TOPBP1: variants seen among roughly 807,000 people sequenced by gnomAD.
TOPBP1 encodes the protein DNA topoisomerase 2-binding protein 1.
TOPBP1 carries 28 observed loss-of-function variants against 167.7 expected under a neutral mutation model. That is an observed-to-expected ratio of 0.17 (90% CI 0.12 to 0.23). The LOEUF (loss-of-function observed/expected upper bound fraction) is 0.23. TOPBP1 is among the 10% of genes least tolerant of loss of function. TOPBP1 has a pLI of 1.00. For synonymous variants in TOPBP1, 598 were observed against 611.4 expected (o/e 0.98, Z 0.32); for missense variants, 1,554 against 1,809.6 (o/e 0.86, Z 2.56).
At chr3:133,641,538 A>T (rs1008756629) in intron 12 of TOPBP1, among the ~76,000 whole-genome samples, 3 of 151,962 alleles carry the variant, frequency 2.0e-5, no homozygotes, top group Non-Finnish European at 4.4e-5. Flanking sequence ...GCTCATTTTT[A>T]AAATTTTTTG....
intron 25 of TOPBP1, among the ~76,000 whole-genome samples, chr3:133,609,367 C>T (rs1055054252): frequency 2.0e-5 from 3 of 152,032 alleles, no homozygotes; most frequent in African/African-American, 4.8e-5. Flanking sequence ...GGAATAACAA[C>T]TAACAAAAGC....
At chr3:133,658,017 T>G (rs1936540459) in intron 3 of TOPBP1, 76 bp from the exon 4 acceptor site, 10 of 1,238,040 alleles carry the variant, frequency 8.1e-6, no homozygotes, top group Non-Finnish European at 1.1e-5. Flanking sequence ...TTTTGTAACA[T>G]TCACCAATTC....
intron 6 of TOPBP1, among the ~76,000 whole-genome samples, chr3:133,654,847 A>G (rs1936422849): frequency 1.3e-5 from 2 of 152,102 alleles, no homozygotes; most frequent in South Asian, 4.1e-4. Flanking sequence ...AAGATGTTAG[A>G]GAAAACAGTA....
intron 6 of TOPBP1, 99 bp downstream of exon 6, chr3:133,655,191 C>A (rs982217391): frequency 8.9e-6 from 7 of 782,304 alleles, no homozygotes; most frequent in Non-Finnish European, 1.1e-5. Context: ...GGCAATAGAG[C>A]AAGACTCTGT....
At chr3:133,614,099 G>A (rs1303431181) in intron 23 of TOPBP1, among the ~76,000 whole-genome samples, 1 of 151,954 alleles carries the variant, frequency 6.6e-6, no homozygotes, top group African/African-American at 2.4e-5. Context: ...TCATATCAAG[G>A]ACTTTCTAAG....
At chr3:133,604,643 G>A (rs1442276048) in intron 27 of TOPBP1, among the ~76,000 whole-genome samples, 1 of 151,598 alleles carries the variant, frequency 6.6e-6, no homozygotes, top group Admixed American at 6.6e-5. Context: ...ACTCCAGGCC[G>A]GGTGCAGTGG....
In TOPBP1 at chr3:133,650,353, T is replaced by TTGTGTG. The variant is rs141835340; in HGVS notation, c.1090-416_1090-411dup. On this transcript the variant is annotated intron_variant, in intron 8 of 27. Transcript: ENST00000260810. ...TGAATTCTGAACACCTGGGCTTAAATTGTGTGTGTGTGGGGGGCGGGGGGA... is the reference window on the plus strand; with the variant it reads ...TGAATTCTGAACACCTGGGCTTAAATTGTGTGTGTGTGTGTGTGGGGGGCGGGGGGA... Among the ~76,000 whole-genome samples the TTGTGTG allele has an allele frequency of 4.1e-3, 409 of 99,492 alleles. 1 individual carries two copies. The highest frequency in any genetic ancestry group is 0.013 in the African/African-American group (359 of 26,666). The allele number at this position is 99,492 out of a possible 152,430, so 65.3% of individuals were successfully genotyped here.
chr3:133,625,637 A>T (rs1210784805), intron 16 of TOPBP1, among the ~76,000 whole-genome samples: 2 of 152,102 alleles, frequency 1.3e-5, no homozygotes, highest in Non-Finnish European at 2.9e-5. Flanking sequence ...AGGCTGAGGC[A>T]GGAGAATCGC....
intron 14 of TOPBP1, 119 bp from the exon 15 acceptor site, chr3:133,628,852 G>A: frequency 5.1e-6 from 5 of 986,522 alleles, no homozygotes; most frequent in Non-Finnish European, 7.3e-6. Flanking sequence ...AGAGAAGGGG[G>A]AGAATCCTCA....
intron 5 of TOPBP1, 102 bp downstream of exon 5, chr3:133,656,573 AT>A (rs926132558): frequency 8.8e-6 from 10 of 1,134,430 alleles, no homozygotes; most frequent in African/African-American, 3.2e-5. Flanking sequence ...TAATGACACT[AT>A]TTTTTTCCCT....
In TOPBP1 at chr3:133,621,983, A is replaced by T. The variant is rs1384190600; in HGVS notation, c.3178+1108T>A. Among the ~76,000 whole-genome samples, 3 of 151,958 alleles carry T rather than the reference A, an allele frequency of 2.0e-5. No homozygotes were observed. The South Asian group carries it at 6.2e-4, about 32-fold the overall frequency. ...ATACAGTTGCCCAAAAAGAAAGAAA[A>T]GGGAAGAAAGAAGGAAAGGGAAAGG... On this transcript the variant is annotated intron_variant, in intron 19 of 27. Transcript: ENST00000260810.
intron 12 of TOPBP1, among the ~76,000 whole-genome samples, chr3:133,642,891 T>C (rs1236656671): frequency 2.0e-5 from 3 of 152,224 alleles, no homozygotes; most frequent in Non-Finnish European, 4.4e-5. Context: ...CTAGCATCTT[T>C]CAAAGATGAC....
intron 11 of TOPBP1, 106 bp from the exon 12 acceptor site, chr3:133,643,478 T>C (rs1362385261): frequency 2.1e-6 from 2 of 950,268 alleles, no homozygotes; most frequent in Non-Finnish European, 3.0e-6. Context: ...AGAAGAAATT[T>C]TACTTTAATA....
chr3:133,630,998 C>T (rs543105602), intron 14 of TOPBP1, among the ~76,000 whole-genome samples: 6 of 152,218 alleles, frequency 3.9e-5, no homozygotes, highest in African/African-American at 1.4e-4. Context: ...TCTAGACCAG[C>T]CTGAGCAACA....
chr3:133,640,208 A>G (rs560027448), intron 12 of TOPBP1, 38 bp from the exon 13 acceptor site: 20 of 1,558,208 alleles, frequency 1.3e-5, no homozygotes, highest in Non-Finnish European at 1.8e-5. Context: ...ATGGTCACAT[A>G]TACAATTAAC....
At chr3:133,637,832 A>G (rs1386875695) in intron 14 of TOPBP1, 44 bp downstream of exon 14, 1 of 1,584,676 alleles carries the variant, frequency 6.3e-7, no homozygotes, top group South Asian at 1.1e-5. Context: ...AACTTTATAA[A>G]CGGTAAAACT....
In TOPBP1 at chr3:133,640,168, A is replaced by G. The variant is rs749655550; in HGVS notation, c.2024T>C (p.Val675Ala). Residue 675 changes from valine (V) to alanine (A), a missense_variant and splice_region_variant, in exon 13 of 28, where the codon GTT becomes GCT. Transcript: ENST00000260810. Reference sequence around the variant, plus strand: ...GGATTTGCGAACAAAGTATTCTTGAACACTGAAATTTATGTTTAAAGAAGT... The same window carrying G: ...GGATTTGCGAACAAAGTATTCTTGAGCACTGAAATTTATGTTTAAAGAAGT... Reference protein sequence around the residue: ...TFLANLLGASVQEYFVRKSNA... With the variant: ...TFLANLLGASAQEYFVRKSNA... 9 of 1,611,318 alleles carry G rather than the reference A, an allele frequency of 5.6e-6. No individual in the cohort carries two copies. Among genetic ancestry groups the G allele is most frequent in the Non-Finnish European group, 7.6e-6 (9 of 1,178,510 alleles).
intron 24 of TOPBP1, among the ~76,000 whole-genome samples, chr3:133,611,649 C>T (rs959525395): frequency 1.3e-5 from 2 of 152,158 alleles, no homozygotes; most frequent in African/African-American, 2.4e-5. Flanking sequence ...CCTGGCTCTG[C>T]GAAGTTTCGT....
rs372745131 is a variant in TOPBP1 at position 133,612,385 on chromosome 3, A to G, written c.4035+4T>C. ...AATAAACTTCCACAAATCTGAATAC[A>G]CACCTGCACGAAGTGTCCAGCAGTC... On this transcript the variant is annotated splice_donor_region_variant and intron_variant, in intron 24 of 27. Transcript: ENST00000260810. 6 of 1,613,500 alleles carry G rather than the reference A, an allele frequency of 3.7e-6. No individual in the cohort carries two copies. The highest frequency in any genetic ancestry group is 5.1e-6 in the Non-Finnish European group (6 of 1,179,674).
Sources: gnomAD v4.1 joint callset for allele counts (sites outside exome capture counted in the v4.1 genomes callset) on GRCh38, gnomAD v4.1.1 for gene constraint, MANE v1.5 for transcripts, NCBI Gene and HGNC (gene_info 2026-07-23, HGNC 2026-07-21) for gene names.